Variants in CFAP20DC observed in about 807,000 individuals in gnomAD.
CFAP20DC encodes the protein protein CFAP20DC.
Under a neutral mutation model 101.7 loss-of-function variants are expected in CFAP20DC, and 84 were observed. The ratio of observed to expected loss-of-function variants is 0.83; its 90% CI spans 0.69 to 0.99. The LOEUF (loss-of-function observed/expected upper bound fraction) is 0.99, where lower values mean the gene tolerates loss of function less well. Ranked by LOEUF, CFAP20DC falls within the 50% of genes least tolerant of loss-of-function variation. The probability of loss-of-function intolerance (pLI) is 0.00; values close to 1 mark genes in which losing one functional copy is unlikely to be tolerated. For synonymous variants in CFAP20DC, 359 were observed against 351.2 expected (o/e 1.02, Z -0.25); for missense variants, 1,007 against 970.3 (o/e 1.04, Z -0.50).
chr3:58,947,119 T>G (rs1018123673), intron 4 of CFAP20DC, among the ~76,000 whole-genome samples: 1 of 152,150 alleles, frequency 6.6e-6, no homozygotes, highest in Admixed American at 6.5e-5. Context: ...AACTCCAAGG[T>G]TAGTAGTTAC....
intron 3 of CFAP20DC, among the ~76,000 whole-genome samples, chr3:58,733,486 T>C (rs1260875937): frequency 6.6e-6 from 1 of 152,254 alleles, no homozygotes; most frequent in Non-Finnish European, 1.5e-5. Context: ...GGAATAATCC[T>C]ACACCATACC....
At position 59,020,370 on chromosome 3, in the gene CFAP20DC, G is replaced by A. The variant is rs114811253; in HGVS notation, c.278+19187C>T. 4.9e-3 allele frequency among the ~76,000 whole-genome samples: 743 copies of A among 152,050 alleles called. 3 individuals carry two copies. Among genetic ancestry groups the A allele is most frequent in the African/African-American group, 0.017 (698 of 41,510 alleles). On this transcript the variant is annotated intron_variant, in intron 4 of 16. Coordinates refer to ENST00000482387, the MANE Select transcript of CFAP20DC (RefSeq NM_001394063.1). The stretch of plus-strand genomic sequence containing the variant: ...ATAACATTTTAAATAAAATAAACCC[G>A]TATTACCAATGCACAAGAGACAAGG...
rs540698476 is a variant in CFAP20DC at position 58,892,744 on chromosome 3, C to A, written c.551-8035G>T. Among the ~76,000 whole-genome samples the A allele has an allele frequency of 6.6e-6, 1 of 152,114 alleles. No individual in the cohort carries two copies. Among genetic ancestry groups the A allele is most frequent in the Non-Finnish European group, 1.5e-5 (1 of 68,024 alleles). ...TAAAAAGCTTTAGGCTGAGATGATG[C>A]GGTTTTCTAGATATAGGATCATGTC... On this transcript the variant is annotated intron_variant, in intron 6 of 16. Transcript: ENST00000482387. The surrounding 1 kb of genome is among the most constrained non-coding windows in gnomAD (Gnocchi z 4.0).
Position 58,869,523 on chromosome 3 carries a change from A to G in CFAP20DC, c.853-33T>C. 2 of 1,487,414 alleles carry G rather than the reference A, an allele frequency of 1.3e-6. No individual in the cohort carries two copies. Among genetic ancestry groups the G allele is most frequent in the Non-Finnish European group, 1.8e-6 (2 of 1,105,620 alleles). The allele number at this position is 1,487,414 out of a possible 1,614,324, so 92.1% of individuals were successfully genotyped here. ...GGAATTAATCTGTACATTTTAAAATATAGCAACTACATTTGTTTTCTGTAG... is the reference window on the plus strand; with the variant it reads ...GGAATTAATCTGTACATTTTAAAATGTAGCAACTACATTTGTTTTCTGTAG... On this transcript the variant is annotated intron_variant, in intron 8 of 16. Transcript: ENST00000482387. The surrounding 1 kb of genome is among the most constrained non-coding windows in gnomAD (Gnocchi z 4.3).
At chr3:58,810,453 C>G (rs1339804924) in intron 14 of CFAP20DC, among the ~76,000 whole-genome samples, 1 of 152,090 alleles carries the variant, frequency 6.6e-6, no homozygotes, top group South Asian at 2.1e-4. Flanking sequence ...AGACAAAAAC[C>G]ACATCATAAT....
At chr3:58,760,012 A>G (rs1474876667) in intron 15 of CFAP20DC, among the ~76,000 whole-genome samples, 1 of 152,216 alleles carries the variant, frequency 6.6e-6, no homozygotes, top group Non-Finnish European at 1.5e-5. Context: ...TGACTTGGCA[A>G]TGCGGGCTCC....
At chr3:58,845,145 C>G (rs914145240) in intron 13 of CFAP20DC, among the ~76,000 whole-genome samples, 1 of 150,396 alleles carries the variant, frequency 6.6e-6, no homozygotes, top group Non-Finnish European at 1.5e-5. Flanking sequence ...TAGCAGAAGG[C>G]GAGAAATAAC....
At position 58,914,728 on chromosome 3, in the gene CFAP20DC, T is replaced by C. The variant is rs992142984; in HGVS notation, c.394-864A>G. The C allele has an allele frequency of 6.6e-6, 1 of 151,094 alleles. No individual in the cohort carries two copies. Among genetic ancestry groups the C allele is most frequent in the Non-Finnish European group, 1.5e-5 (1 of 67,790 alleles). The allele number at this position is 151,094 out of a possible 1,614,324, so 9.4% of individuals were successfully genotyped here. The stretch of plus-strand genomic sequence containing the variant: ...TTTTTTTAAAGACAAATCTTATATA[T>C]CTAGGAATGCTGATTTTAATATGGA... On this transcript the variant is annotated intron_variant, in intron 5 of 16. Transcript: ENST00000482387. This position sits in a 1 kb window ranked among gnomAD's most constrained non-coding sequence, Gnocchi z 4.9.
At chr3:58,725,142 A>G (rs2067530971) in intron 3 of CFAP20DC, among the ~76,000 whole-genome samples, 1 of 152,332 alleles carries the variant, frequency 6.6e-6, no homozygotes, top group South Asian at 2.1e-4. Flanking sequence ...TTTTTATCAG[A>G]CACAAAGACA....
intron 4 of CFAP20DC, among the ~76,000 whole-genome samples, chr3:58,988,071 T>C (rs2092811226): frequency 6.6e-6 from 1 of 152,060 alleles, no homozygotes; most frequent in South Asian, 2.1e-4. Context: ...GAAAACTCAG[T>C]CTAACAATGT....
At chr3:58,835,268 T>C (rs1466846551) in intron 13 of CFAP20DC, among the ~76,000 whole-genome samples, 2 of 152,100 alleles carry the variant, frequency 1.3e-5, no homozygotes, top group Non-Finnish European at 2.9e-5. Context: ...GAAGTATGAA[T>C]AAGATGCCTG....
At position 59,014,696 on chromosome 3, in the gene CFAP20DC, A is replaced by T. The variant is rs551238245; in HGVS notation, c.278+24861T>A. On this transcript the variant is annotated intron_variant, in intron 4 of 16. Transcript: ENST00000482387. The surrounding 1 kb of genome is among the most constrained non-coding windows in gnomAD (Gnocchi z 4.9). ...TTGAAGTGAGAGTAATTTATTTACT[A>T]ACGGCTAACCCTCAATTATCTGCAT... is the stretch of plus-strand genomic sequence containing the variant. Among the ~76,000 whole-genome samples, 1 of 152,300 alleles carries T rather than the reference A, an allele frequency of 6.6e-6. No homozygotes were observed. Among genetic ancestry groups the T allele is most frequent in the South Asian group, 2.1e-4 (1 of 4,822 alleles).
chr3:58,778,827 G>C (rs773503379), intron 15 of CFAP20DC, among the ~76,000 whole-genome samples: 3 of 152,146 alleles, frequency 2.0e-5, no homozygotes, highest in Non-Finnish European at 2.9e-5. Context: ...CATATCTTAA[G>C]CCACTGAGGA....
intron 6 of CFAP20DC, among the ~76,000 whole-genome samples, chr3:58,887,194 C>T (rs1033595855): frequency 3.3e-5 from 5 of 152,094 alleles, no homozygotes; most frequent in African/African-American, 7.2e-5. Flanking sequence ...ATGTTTTGTC[C>T]ATCCATTCTT....
At chr3:58,945,011 C>A (rs2089153530) in intron 4 of CFAP20DC, among the ~76,000 whole-genome samples, 1 of 152,196 alleles carries the variant, frequency 6.6e-6, no homozygotes, top group Non-Finnish European at 1.5e-5. Context: ...TATTAAATAT[C>A]AATTATTGAA....
At chr3:59,036,288 T>A (rs2094101926) in intron 4 of CFAP20DC, among the ~76,000 whole-genome samples, 1 of 152,160 alleles carries the variant, frequency 6.6e-6, no homozygotes, top group Non-Finnish European at 1.5e-5. Context: ...TATTGGTAGT[T>A]CTGGCCAGAG....
intron 5 of CFAP20DC, among the ~76,000 whole-genome samples, chr3:58,937,335 T>C (rs144793698): frequency 6.6e-6 from 1 of 152,302 alleles, no homozygotes; most frequent in African/African-American, 2.4e-5. Flanking sequence ...CCACTCTAAG[T>C]GCTATCTCCT....
At chr3:59,032,462 C>A (rs1181709428) in intron 4 of CFAP20DC, among the ~76,000 whole-genome samples, 2 of 152,194 alleles carry the variant, frequency 1.3e-5, no homozygotes, top group African/African-American at 4.8e-5. Context: ...GAAATTCTCG[C>A]TGCCAGCACA....
chr3:58,997,919 G>A lies in CFAP20DC; in HGVS notation c.278+41638C>T, dbSNP rs188525754. Among the ~76,000 whole-genome samples the A allele has an allele frequency of 2.1e-3, 326 of 152,296 alleles. 2 individuals carry two copies. The highest frequency in any genetic ancestry group is 6.2e-3 in the Admixed American group (95 of 15,304). ...GTCCAGCAAAGAATTAGACAAATAA[G>A]ATCCCATAGAAGGCAAGGTCAAGAC... On this transcript the variant is annotated intron_variant, in intron 4 of 16. Transcript: ENST00000482387.
Sources: allele counts gnomAD v4.1 joint callset (sites outside exome capture counted in the v4.1 genomes callset), GRCh38; gene constraint gnomAD v4.1.1; non-coding constraint Gnocchi (gnomAD v3.1); transcripts MANE v1.5; gene names NCBI Gene and HGNC (gene_info 2026-07-23, HGNC 2026-07-21).